The following DLG2 variants were observed in gnomAD, a reference collection of about 807,000 sequenced individuals.
The protein encoded by DLG2 is disks large homolog 2.
Under a neutral mutation model 132.5 loss-of-function variants are expected in DLG2, and 45 were observed. The observed-to-expected ratio is 0.34, with a 90% confidence interval of 0.27 to 0.44. The LOEUF is 0.44. Among genes scored for constraint, DLG2 ranks in the 20% least tolerant of loss-of-function variants. The pLI, the probability that DLG2 is intolerant of heterozygous loss-of-function variation, is 1.00. For synonymous variants in DLG2, 424 were observed against 419.6 expected, an observed-to-expected ratio of 1.01 and a Z score of -0.13; for missense variants, 1,045 against 1,196.9, an observed-to-expected ratio of 0.87 and a Z score of 1.87.
chr11:84,112,632 C>T (rs992244547), intron 9 of DLG2, among the ~76,000 whole-genome samples: 6 of 151,956 alleles, frequency 3.9e-5, no homozygotes, highest in Admixed American at 3.9e-4. Flanking sequence ...TTTGCTACAG[C>T]CATAAATTTG....
At chr11:84,422,255 T>C (rs115954669) in intron 7 of DLG2, among the ~76,000 whole-genome samples, 2,253 of 152,320 alleles carry the variant, frequency 0.015, 56 homozygotes, top group African/African-American at 0.051. Context: ...AGCACTGTTA[T>C]GCTCGTGATT....
At chr11:84,364,525 T>C (rs2098670192) in intron 7 of DLG2, among the ~76,000 whole-genome samples, 1 of 152,190 alleles carries the variant, frequency 6.6e-6, no homozygotes, top group South Asian at 2.1e-4. Flanking sequence ...CTAATTGCCC[T>C]AGCCAGAACT....
intron 6 of DLG2, among the ~76,000 whole-genome samples, chr11:85,008,989 G>A (rs1009890336): frequency 2.6e-5 from 4 of 151,920 alleles, no homozygotes; most frequent in African/African-American, 9.7e-5. Context: ...GAAAATATAG[G>A]GGTAGAGCAT....
chr11:84,902,109 T>C (rs2090960779), intron 6 of DLG2, among the ~76,000 whole-genome samples: 2 of 152,152 alleles, frequency 1.3e-5, no homozygotes, highest in Admixed American at 1.3e-4. Flanking sequence ...TGGGCTTTCT[T>C]GGAAGGCAAT....
chr11:84,591,545 C>A (rs1010719584), intron 6 of DLG2, among the ~76,000 whole-genome samples: 1 of 151,850 alleles, frequency 6.6e-6, no homozygotes, highest in Non-Finnish European at 1.5e-5. Flanking sequence ...CCTGTAATCT[C>A]AGCTACTGGG....
At chr11:83,913,594 A>C (rs753947531) in intron 15 of DLG2, among the ~76,000 whole-genome samples, 1 of 152,060 alleles carries the variant, frequency 6.6e-6, no homozygotes, top group South Asian at 2.1e-4. Context: ...AACTTCAGGG[A>C]GGGGTTTCTG....
At chr11:85,500,395 G>A (rs1284210191) in intron 3 of DLG2, among the ~76,000 whole-genome samples, 1 of 101,298 alleles carries the variant, frequency 9.9e-6, no homozygotes, top group Non-Finnish European at 1.8e-5. Context: ...CTGTGGTGGG[G>A]TCGGGGGAGG....
chr11:85,100,573 C>T (rs1284745778), intron 6 of DLG2, among the ~76,000 whole-genome samples: 1 of 152,154 alleles, frequency 6.6e-6, no homozygotes, highest in African/African-American at 2.4e-5. Flanking sequence ...TTTATCTACA[C>T]TGAAAAGCCC....
rs2512676 is a variant in DLG2 at position 83,455,677 on chromosome 11, T to G, written c.*4141A>C. ...ATTTACAGACTTGAGTGTGTGTGTG[T>G]GTTTCCAACCACAGTCATTCATACT... On this transcript the variant is annotated 3_prime_UTR_variant, in exon 28 of 28. Coordinates refer to ENST00000376104, the MANE Select transcript of DLG2 (RefSeq NM_001142699.3). 0.35 allele frequency: 53,843 copies of G among 152,484 alleles called. 9,695 individuals carry two copies. The highest frequency in any genetic ancestry group is 0.39 in the African/African-American group (16,148 of 41,458). The allele number at this position is 152,484 out of a possible 1,614,324, so 9.4% of individuals were successfully genotyped here. A position where few individuals can be genotyped will look rare whatever the true frequency, so the allele number is the denominator to read the frequency against.
chr11:84,998,410 T>G (rs982890771), intron 6 of DLG2, among the ~76,000 whole-genome samples: 4 of 152,188 alleles, frequency 2.6e-5, no homozygotes. Flanking sequence ...ACCATGATTC[T>G]AAGTTTCCTG....
chr11:84,486,184 A>G (rs958093236), intron 7 of DLG2, among the ~76,000 whole-genome samples: 2 of 152,108 alleles, frequency 1.3e-5, no homozygotes, highest in Admixed American at 6.6e-5. Context: ...ATCTCTATAA[A>G]TGAGGTAGAT....
chr11:85,220,740 A>C (rs891559585), intron 4 of DLG2, among the ~76,000 whole-genome samples: 1 of 151,406 alleles, frequency 6.6e-6, no homozygotes, highest in African/African-American at 2.4e-5. Flanking sequence ...CTGCCTTATA[A>C]TCAGGAAACT....
intron 6 of DLG2, among the ~76,000 whole-genome samples, chr11:84,969,611 T>C (rs1566537971): frequency 6.6e-6 from 1 of 152,186 alleles, no homozygotes; most frequent in East Asian, 1.9e-4. Context: ...CATTTCTTTT[T>C]CTTTGAGAGA....
chr11:84,819,713 G>A (rs1710190442), intron 6 of DLG2, among the ~76,000 whole-genome samples: 2 of 151,866 alleles, frequency 1.3e-5, no homozygotes, highest in African/African-American at 4.8e-5. Context: ...CCGCCTCACT[G>A]GGGATGTTAG....
intron 7 of DLG2, among the ~76,000 whole-genome samples, chr11:84,414,573 A>T (rs891472702): frequency 6.6e-6 from 1 of 152,190 alleles, no homozygotes; most frequent in Middle Eastern, 3.2e-3. Flanking sequence ...CCTAGATTTT[A>T]TCTGAACGGC....
chr11:85,139,350 A>G (rs1235688932), intron 5 of DLG2, among the ~76,000 whole-genome samples: 1 of 152,132 alleles, frequency 6.6e-6, no homozygotes, highest in Non-Finnish European at 1.5e-5. Flanking sequence ...TTTAAAAAGT[A>G]TATGGCTAGA....
chr11:84,008,923 GTTT>G (rs548165150), intron 11 of DLG2, among the ~76,000 whole-genome samples: 1 of 138,662 alleles, frequency 7.2e-6, no homozygotes, highest in African/African-American at 2.7e-5. Flanking sequence ...ATTTTTTCTT[GTTT>G]TTTTTTTTTG....
At chr11:85,061,573 T>C (rs1445188312) in intron 6 of DLG2, among the ~76,000 whole-genome samples, 1 of 151,824 alleles carries the variant, frequency 6.6e-6, no homozygotes, top group East Asian at 1.9e-4. Context: ...TGAGGAAATT[T>C]AGTATTATAC....
intron 6 of DLG2, among the ~76,000 whole-genome samples, chr11:84,929,207 G>C (rs547754403): frequency 6.0e-5 from 9 of 151,008 alleles, no homozygotes; most frequent in African/African-American, 2.2e-4. Flanking sequence ...GCTAGAGGTG[G>C]AACTCCAATA....
Sources: gnomAD v4.1 joint callset for allele counts (sites outside exome capture counted in the v4.1 genomes callset) on GRCh38, gnomAD v4.1.1 for gene constraint, MANE v1.5 for transcripts, NCBI Gene and HGNC (gene_info 2026-07-23, HGNC 2026-07-21) for gene names.